Variants in SPRY3 observed in about 807,000 individuals in gnomAD.
SPRY3 encodes protein sprouty homolog 3.
A neutral mutation model predicts 20.2 loss-of-function variants in SPRY3; 15 were observed. The observed-to-expected ratio is 0.74, with a 90% CI of 0.50 to 1.14. The LOEUF is 1.14. Ranked by LOEUF, SPRY3 falls within the 50% of genes most tolerant of loss-of-function variation. SPRY3 has a pLI of 0.00. For synonymous variants in SPRY3, 143 were observed against 136.5 expected, an observed-to-expected ratio of 1.05 and a Z score of -0.33; for missense variants, 364 against 363.9, an observed-to-expected ratio of 1.00 and a Z score of 0.00.
chrX:155,759,670 AT>A (rs2091296722), intron 2 of SPRY3, among the ~76,000 whole-genome samples: 1 of 152,160 alleles, frequency 6.6e-6, no homozygotes, highest in African/African-American at 2.4e-5. Flanking sequence ...GGAGCTCCTA[AT>A]TTAGTAAAGG....
At chrX:155,660,898 T>C (rs2068007906) in intron 2 of SPRY3, among the ~76,000 whole-genome samples, 1 of 111,266 alleles carries the variant, frequency 9.0e-6, no homozygotes, top group Non-Finnish European at 1.9e-5. Context: ...ACTTCTTTAC[T>C]TCAAGTCTGT....
intron 2 of SPRY3, among the ~76,000 whole-genome samples, chrX:155,764,435 T>G (rs1458609909): frequency 6.6e-6 from 1 of 152,218 alleles, no homozygotes; most frequent in Non-Finnish European, 1.5e-5. Context: ...ACTATAGTGA[T>G]AGCCTATCAA....
chrX:155,708,670 T>C (rs1569381754), intron 2 of SPRY3, among the ~76,000 whole-genome samples: 1 of 151,476 alleles, frequency 6.6e-6, no homozygotes, highest in Non-Finnish European at 1.5e-5. Context: ...TTGGTACAGA[T>C]AGCTAATGCA....
intron 2 of SPRY3, among the ~76,000 whole-genome samples, chrX:155,675,500 C>T (rs1557355155): frequency 9.0e-6 from 1 of 110,714 alleles, no homozygotes; most frequent in African/African-American, 3.3e-5. Context: ...CCGTTGAGCC[C>T]CACAAAGGTA....
intron 2 of SPRY3, among the ~76,000 whole-genome samples, chrX:155,767,230 A>AG (rs752393188): frequency 2.6e-5 from 4 of 151,228 alleles, no homozygotes; most frequent in Non-Finnish European, 5.9e-5. Flanking sequence ...ACGCGGGGGG[A>AG]GGGGGGAGAG....
chrX:155,766,960 C>A (rs1173968692), intron 2 of SPRY3, among the ~76,000 whole-genome samples: 1 of 152,156 alleles, frequency 6.6e-6, no homozygotes, highest in Non-Finnish European at 1.5e-5. Context: ...TCTTTCTCTT[C>A]ATCTTATTGA....
chrX:155,766,594 T>C lies in SPRY3; in HGVS notation c.-281-1368T>C, dbSNP rs1334534408. On this transcript the variant is annotated intron_variant, in intron 2 of 3. Coordinates refer to ENST00000675360, the Ensembl canonical transcript of SPRY3. ...AATAGGACTTGAAATCAGATCTCCT[T>C]TATTTTAAATATAAAGCTGCTGTCA... Among the ~76,000 whole-genome samples the C allele has an allele frequency of 5.3e-5, 8 of 152,314 alleles. No individual in the cohort carries two copies. The East Asian group carries it at 7.7e-4, about 15-fold the overall frequency.
intron 1 of SPRY3, among the ~76,000 whole-genome samples, chrX:155,656,456 T>C (rs1276209083): frequency 2.7e-5 from 3 of 110,992 alleles, no homozygotes; most frequent in South Asian, 3.8e-4. Flanking sequence ...TCAGGTCATT[T>C]ATATTCTTTA....
At chrX:155,740,466 C>T (rs1271484113) in intron 2 of SPRY3, among the ~76,000 whole-genome samples, 1 of 152,024 alleles carries the variant, frequency 6.6e-6, no homozygotes, top group Non-Finnish European at 1.5e-5. Context: ...ATAATTAAGA[C>T]CCTGGGAAAG....
chrX:155,767,201 C>A (rs2091337143), intron 2 of SPRY3, among the ~76,000 whole-genome samples: 1 of 151,930 alleles, frequency 6.6e-6, no homozygotes, highest in Admixed American at 6.6e-5. Context: ...AGAGCTACAG[C>A]TCCGGGAAAG....
intron 2 of SPRY3, among the ~76,000 whole-genome samples, chrX:155,719,625 A>G (rs1362960975): frequency 6.6e-6 from 1 of 152,038 alleles, no homozygotes; most frequent in Non-Finnish European, 1.5e-5. Flanking sequence ...TGCATCTTGG[A>G]TATCAGCTCA....
intron 2 of SPRY3, among the ~76,000 whole-genome samples, chrX:155,675,866 C>T (rs1248433468): frequency 2.7e-5 from 3 of 111,217 alleles, no homozygotes; most frequent in East Asian, 2.8e-4. Flanking sequence ...GATCCTTTGT[C>T]GTATCAAAAA....
intron 2 of SPRY3, among the ~76,000 whole-genome samples, chrX:155,734,572 C>G (rs2091155574): frequency 6.6e-6 from 1 of 151,714 alleles, no homozygotes; most frequent in African/African-American, 2.4e-5. Context: ...AAATGTGACA[C>G]TGAGACATGA....
At chrX:155,723,998 C>T (rs2091080819) in intron 2 of SPRY3, among the ~76,000 whole-genome samples, 1 of 152,158 alleles carries the variant, frequency 6.6e-6, no homozygotes, top group Admixed American at 6.5e-5. Context: ...CAGCTTTCTC[C>T]ATATGGCTAG....
chrX:155,744,054 G>A (rs777544868), intron 2 of SPRY3, among the ~76,000 whole-genome samples: 12 of 152,180 alleles, frequency 7.9e-5, no homozygotes, highest in Non-Finnish European at 1.8e-4. Flanking sequence ...TTTGGCTGGA[G>A]GGGGTACAGA....
chrX:155,692,176 GTACAGCTTTATATTT>G (rs1052330484), intron 2 of SPRY3, among the ~76,000 whole-genome samples: 9 of 109,134 alleles, frequency 8.2e-5, no homozygotes, highest in African/African-American at 1.7e-4. Flanking sequence ...TAGTAAATGG[GTACAGCTTTATATTT>G]TACATTTAGC....
At chrX:155,626,248 G>T (rs2067887831) in intron 1 of SPRY3, among the ~76,000 whole-genome samples, 1 of 111,480 alleles carries the variant, frequency 9.0e-6, no homozygotes, top group African/African-American at 3.3e-5. Context: ...TATCCTAGAG[G>T]AGGTGAAGTG....
intron 2 of SPRY3, among the ~76,000 whole-genome samples, chrX:155,681,165 G>T (rs1051705203): frequency 3.6e-5 from 4 of 111,389 alleles, no homozygotes; most frequent in Non-Finnish European, 7.5e-5. Flanking sequence ...GTTGTGGGAG[G>T]GACCTGAGGG....
At chrX:155,693,308 T>C (rs920332153) in intron 2 of SPRY3, among the ~76,000 whole-genome samples, 1 of 112,067 alleles carries the variant, frequency 8.9e-6, no homozygotes, top group African/African-American at 3.2e-5. Flanking sequence ...TTGATATTTA[T>C]TTCTAATTTA....
Sources: gnomAD v4.1 joint callset for allele counts (sites outside exome capture counted in the v4.1 genomes callset) on GRCh38, gnomAD v4.1.1 for gene constraint, MANE v1.5 for transcripts, NCBI Gene and HGNC (gene_info 2026-07-23, HGNC 2026-07-21) for gene names.